Variants in CHLSN observed in about 807,000 individuals in gnomAD.
CHLSN encodes the protein protein cholesin.
the CHLSN span, chr7:1,082,026 C>T: frequency 2.0e-5 from 3 of 152,308 alleles, no homozygotes. Flanking sequence ...ACAAACGCCG[C>T]CCCGCAGGAG....
chr7:1,009,984 A>G, the CHLSN span: 1 of 1,584,902 alleles, frequency 6.3e-7, no homozygotes, highest in Non-Finnish European at 8.6e-7. Flanking sequence ...TCGGCCCCCG[A>G]GCGCCTGGCA....
the CHLSN span, among the ~76,000 whole-genome samples, chr7:1,009,351 CA>C: frequency 6.6e-6 from 1 of 152,200 alleles, no homozygotes; most frequent in Non-Finnish European, 1.5e-5. Flanking sequence ...CAGGAACGGG[CA>C]GCAGCCTGTG....
chr7:987,176 G>T, the CHLSN span: 1 of 1,565,390 alleles, frequency 6.4e-7, no homozygotes, highest in East Asian at 2.4e-5. Context: ...GGTCATGGCC[G>T]GGACGGAGAC....
the CHLSN span, among the ~76,000 whole-genome samples, chr7:1,065,320 C>T: frequency 6.6e-6 from 1 of 152,230 alleles, no homozygotes. Flanking sequence ...CAGACATTTA[C>T]CCAAGAAAAA....
the CHLSN span, among the ~76,000 whole-genome samples, chr7:1,127,936 C>T: frequency 2.7e-4 from 9 of 33,606 alleles, 2 homozygotes; most frequent in Non-Finnish European, 4.8e-4. Flanking sequence ...GGCGCCATCT[C>T]GGCTCATCCC....
At chr7:1,038,487 G>A in the CHLSN span, among the ~76,000 whole-genome samples, 4 of 105,388 alleles carry the variant, frequency 3.8e-5, no homozygotes, top group Non-Finnish European at 8.1e-5. Context: ...AGGTGGGGGG[G>A]TAAGCCCCCC....
chr7:1,009,876 G>A, the CHLSN span: 449 of 1,303,244 alleles, frequency 3.4e-4, no homozygotes, highest in Admixed American at 6.3e-4. Context: ...GTGTGCGAGT[G>A]AAGGCTTCGA....
At chr7:1,022,979 A>G in the CHLSN span, 1 of 472,896 alleles carries the variant, frequency 2.1e-6, no homozygotes, top group African/African-American at 2.0e-5. Context: ...AGGCGCTCAC[A>G]GGCAGGCACA....
the CHLSN span, chr7:1,093,558 T>C: frequency 2.1e-6 from 1 of 470,968 alleles, no homozygotes; most frequent in South Asian, 1.5e-5. Context: ...TCCGGGGTGG[T>C]TCAGTCACTG....
chr7:1,001,654 T>G, the CHLSN span, among the ~76,000 whole-genome samples: 4 of 51,946 alleles, frequency 7.7e-5, no homozygotes, highest in East Asian at 1.1e-3. Flanking sequence ...TGTGGGTGAG[T>G]GGAGTCCTGT....
At chr7:994,671 C>T in the CHLSN span, among the ~76,000 whole-genome samples, 2 of 152,116 alleles carry the variant, frequency 1.3e-5, no homozygotes, top group African/African-American at 4.8e-5. Flanking sequence ...AACTCCTGAG[C>T]TCAAGCGATC....
chr7:998,414 T>A, the CHLSN span, among the ~76,000 whole-genome samples: 3 of 151,736 alleles, frequency 2.0e-5, no homozygotes, highest in Non-Finnish European at 4.4e-5. Context: ...AGCAACCATT[T>A]CACTTTCCAG....
At chr7:1,005,896 G>A in the CHLSN span, among the ~76,000 whole-genome samples, 10 of 152,310 alleles carry the variant, frequency 6.6e-5, no homozygotes, top group South Asian at 1.9e-3. Flanking sequence ...GCAGGGGGCC[G>A]GCCCCCGAAA....
the CHLSN span, among the ~76,000 whole-genome samples, chr7:1,072,413 G>A: frequency 6.6e-6 from 1 of 152,238 alleles, no homozygotes; most frequent in East Asian, 1.9e-4. Context: ...ACGGGACCAC[G>A]ACTGCTCCTC....
At chr7:1,043,805 C>T in the CHLSN span, 1 of 152,276 alleles carries the variant, frequency 6.6e-6, no homozygotes, top group African/African-American at 2.4e-5. Context: ...GGCCAGTGGC[C>T]GCTATTCTTC....
the CHLSN span, among the ~76,000 whole-genome samples, chr7:1,120,037 A>G: frequency 1.3e-5 from 2 of 152,198 alleles, no homozygotes; most frequent in African/African-American, 2.4e-5. Context: ...AGAAAAAAAC[A>G]GAAGTCATAA....
chr7:1,057,701 G>C, the CHLSN span: 6 of 774,558 alleles, frequency 7.7e-6, no homozygotes, highest in African/African-American at 1.7e-5. Context: ...TGACCATGCC[G>C]GACGTGTACT....
the CHLSN span, chr7:986,693 G>T: frequency 6.2e-7 from 1 of 1,612,622 alleles, no homozygotes. Context: ...CAAGATCGAG[G>T]AGGTCCGTGC....
the CHLSN span, among the ~76,000 whole-genome samples, chr7:1,076,804 T>C: frequency 6.6e-6 from 1 of 152,224 alleles, no homozygotes; most frequent in Non-Finnish European, 1.5e-5. Flanking sequence ...CATGGGGACT[T>C]GCACGCCTTG....
Sources: allele counts gnomAD v4.1 joint callset (sites outside exome capture counted in the v4.1 genomes callset), GRCh38; gene constraint gnomAD v4.1.1; transcripts MANE v1.5; gene names NCBI Gene and HGNC (gene_info 2026-07-23, HGNC 2026-07-21).